PFKP: variants seen among roughly 807,000 people sequenced by gnomAD.
The protein encoded by PFKP is ATP-dependent 6-phosphofructokinase, platelet type.
A neutral mutation model predicts 94.3 loss-of-function variants in PFKP; 101 were observed. That is an observed-to-expected ratio of 1.07 (90% confidence interval 0.91 to 1.26). The LOEUF is 1.26. PFKP is among the 50% of genes most tolerant of loss of function. The pLI is 0.00. For missense variants in PFKP, 1,145 were observed against 1,103.3 expected, an observed-to-expected ratio of 1.04 and a Z score of -0.53; for synonymous variants, 573 against 432.6, an observed-to-expected ratio of 1.32 and a Z score of -4.03.
rs1246475654 is a variant in PFKP, at chr10:3,112,233, G to A, written c.1101G>A (p.Val367=). ...LMECVQMTQD[V]QKAMDERRFQ... is the part of the protein sequence containing the mutation. ...CATTGTTTTAAAAGACTCAGGATGT[G>A]CAGAAGGCGATGGACGAGAGGAGAT... Residue 367 remains valine, a synonymous_variant, in exon 11 of 22, where the codon GTG becomes GTA. Coordinates refer to ENST00000381125, the MANE Select transcript of PFKP (RefSeq NM_002627.5). 3.1e-6 allele frequency: 5 copies of A among 1,613,310 alleles called. No individual in the cohort carries two copies. The Admixed American group carries it at 6.7e-5, about 22-fold the overall frequency.
intron 1 of PFKP, chr10:3,068,880 A>G (rs1831948327): frequency 9.5e-6 from 2 of 209,590 alleles, no homozygotes; most frequent in Non-Finnish European, 8.3e-6. Flanking sequence ...AAAGGCCCGG[A>G]TGGCGGATTT....
chr10:3,110,942 TAGTG>T (rs1836161525), intron 10 of PFKP, among the ~76,000 whole-genome samples: 2 of 150,154 alleles, frequency 1.3e-5, no homozygotes, highest in South Asian at 2.1e-4. Flanking sequence ...TTTTGTGAGG[TAGTG>T]TGTGTGCATG....
chr10:3,080,802 G>C (rs1833009102), intron 1 of PFKP, among the ~76,000 whole-genome samples: 1 of 152,216 alleles, frequency 6.6e-6, no homozygotes, highest in Non-Finnish European at 1.5e-5. Context: ...GCTCATGTCA[G>C]AGGGAGTCAG....
intron 8 of PFKP, 145 bp from the exon 9 acceptor site, chr10:3,108,556 A>C (rs1835857176): frequency 3.2e-6 from 2 of 625,900 alleles, no homozygotes; most frequent in Non-Finnish European, 2.9e-6. Flanking sequence ...ACGTTCTGCT[A>C]GGAAACAAAA....
intron 2 of PFKP, among the ~76,000 whole-genome samples, chr10:3,088,545 G>A (rs1473882168): frequency 2.8e-4 from 43 of 152,154 alleles, no homozygotes; most frequent in Non-Finnish European, 2.2e-4. Flanking sequence ...CCGAGGTGAC[G>A]GCTCCCACCT....
intron 13 of PFKP, among the ~76,000 whole-genome samples, chr10:3,116,353 C>G (rs1184742724): frequency 6.6e-6 from 1 of 152,228 alleles, no homozygotes. Flanking sequence ...CAGTGGCATC[C>G]TCTTTCTGCG....
intron 4 of PFKP, among the ~76,000 whole-genome samples, chr10:3,102,179 A>G (rs1221328091): frequency 1.6e-5 from 2 of 123,204 alleles, no homozygotes; most frequent in African/African-American, 6.0e-5. Flanking sequence ...TGAACCCGGG[A>G]GGCGGAGCTT....
chr10:3,076,543 C>T (rs1211595347), intron 1 of PFKP, among the ~76,000 whole-genome samples: 1 of 152,152 alleles, frequency 6.6e-6, no homozygotes, highest in Non-Finnish European at 1.5e-5. Context: ...CCTCCACACC[C>T]TCAACACCCC....
In PFKP at chr10:3,107,386, G is replaced by C. The variant is rs1479246817; in HGVS notation, c.870+77G>C. On this transcript the variant is annotated intron_variant, in intron 8 of 21. Transcript: ENST00000381125. ...GAGGCTAGCGTCATGGGCAGGCTTGGTTTAGAACATTGAATTATTAACTTT... is the reference window on the plus strand; with the variant it reads ...GAGGCTAGCGTCATGGGCAGGCTTGCTTTAGAACATTGAATTATTAACTTT... 12 of 827,674 alleles carry C rather than the reference G, an allele frequency of 1.4e-5. No homozygotes were observed. In the African/African-American group the frequency reaches 1.9e-4, roughly 13 times the overall value. The allele number at this position is 827,674 out of a possible 1,614,324, so 51.3% of individuals were successfully genotyped here.
At chr10:3,115,790 G>A (rs74451751) in intron 13 of PFKP, among the ~76,000 whole-genome samples, 8,058 of 152,204 alleles carry the variant, frequency 0.053, 220 homozygotes, top group Admixed American at 0.066. Context: ...TCCTCAGGGC[G>A]CCATTGTTAA....
intron 1 of PFKP, among the ~76,000 whole-genome samples, chr10:3,071,641 G>A (rs1031581424): frequency 6.6e-6 from 1 of 152,120 alleles, no homozygotes; most frequent in African/African-American, 2.4e-5. Context: ...CACAGGTTGT[G>A]GCTTCTGAAG....
rs191618131 is a variant in PFKP, at chr10:3,095,069, C to T, written c.187-4206C>T. ...TTTGGAGTTAGTTGAGTGAAGAATT[C>T]AGGAAATCAGATTGGAAAAAAGCAT... On this transcript the variant is annotated intron_variant, in intron 2 of 21. Transcript: ENST00000381125. 1.7e-3 allele frequency among the ~76,000 whole-genome samples: 261 copies of T among 152,088 alleles called. 1 individual carries two copies. The highest frequency in any genetic ancestry group is 6.0e-3 in the African/African-American group (251 of 41,498).
intron 15 of PFKP, 130 bp from the exon 16 acceptor site, chr10:3,119,762 G>GTGGTCGCCGTATCATTAA: frequency 1.5e-6 from 1 of 664,012 alleles, no homozygotes; most frequent in Non-Finnish European, 2.6e-6. Flanking sequence ...GTTGATCTCG[G>GTGGTCGCCGTATCATTAA]AGTGTTTTCG....
intron 8 of PFKP, among the ~76,000 whole-genome samples, chr10:3,107,594 T>C (rs1309046027): frequency 1.3e-5 from 2 of 152,202 alleles, no homozygotes; most frequent in African/African-American, 4.8e-5. Context: ...TTCTTTGGAT[T>C]AGAATGTTCC....
chr10:3,113,165 C>T lies in PFKP; in HGVS notation c.1201C>T (p.Leu401=). 2 of 1,612,864 alleles carry T rather than the reference C, an allele frequency of 1.2e-6. No individual in the cohort carries two copies. The highest frequency in any genetic ancestry group is 1.1e-5 in the South Asian group (1 of 90,806). Residue 401 remains leucine (L), a synonymous_variant, in exon 12 of 22, where the codon CTG becomes TTG. Transcript: ENST00000381125. ...CACCTACAAGCGACTTGCCATCAAG[C>T]TGCCGGATGATCAGATCCCAAAGGT... ...LNTYKRLAIK[L]PDDQIPKTNC...
intron 18 of PFKP, 80 bp from the exon 19 acceptor site, chr10:3,133,123 C>A (rs1838788842): frequency 8.1e-6 from 8 of 984,336 alleles, no homozygotes; most frequent in Admixed American, 5.1e-5. Context: ...GGAGTCCAGC[C>A]TCCCAGGGCC....
intron 1 of PFKP, among the ~76,000 whole-genome samples, chr10:3,080,778 C>A (rs1833007301): frequency 6.6e-6 from 1 of 152,140 alleles, no homozygotes; most frequent in Non-Finnish European, 1.5e-5. Context: ...TGTAATCCTT[C>A]TGGCCACAGT....
intron 10 of PFKP, among the ~76,000 whole-genome samples, chr10:3,109,777 T>C (rs890904107): frequency 3.3e-5 from 5 of 152,044 alleles, no homozygotes; most frequent in African/African-American, 9.7e-5. Context: ...CAGTCGAGGA[T>C]CCAGGTGGCC....
At chr10:3,107,063 T>G in intron 7 of PFKP, 151 bp from the exon 8 acceptor site, 1 of 530,112 alleles carries the variant, frequency 1.9e-6, no homozygotes, top group Non-Finnish European at 3.4e-6. Context: ...CACCTTCTGA[T>G]GTCATTGGGA....
Sources: gnomAD v4.1 joint callset for allele counts (sites outside exome capture counted in the v4.1 genomes callset) on GRCh38, gnomAD v4.1.1 for gene constraint, MANE v1.5 for transcripts, NCBI Gene and HGNC (gene_info 2026-07-23, HGNC 2026-07-21) for gene names.